Variants in TMEM132C observed in about 807,000 individuals in gnomAD.
The protein encoded by TMEM132C is protein phosphatase 1, regulatory subunit 152.
TMEM132C carries 29 observed loss-of-function variants against 61.4 expected under a neutral mutation model. The ratio of observed to expected loss-of-function variants is 0.47; its 90% CI spans 0.35 to 0.64. The LOEUF (loss-of-function observed/expected upper bound fraction) is 0.64, where lower values mean the gene tolerates loss of function less well. Ranked by LOEUF, TMEM132C falls within the 30% of genes least tolerant of loss-of-function variation. TMEM132C has a pLI of 0.00. For missense variants in TMEM132C, 1,408 were observed against 1,476.9 expected (o/e 0.95, Z 0.76); for synonymous variants, 656 against 633.1 (o/e 1.04, Z -0.54).
intron 2 of TMEM132C, among the ~76,000 whole-genome samples, chr12:128,425,926 C>G (rs1213619817): frequency 6.6e-6 from 1 of 152,226 alleles, no homozygotes; most frequent in Admixed American, 6.5e-5. Flanking sequence ...GGACCTGTTT[C>G]CAAATCAGGT....
intron 2 of TMEM132C, among the ~76,000 whole-genome samples, chr12:128,445,569 G>C (rs568485874): frequency 6.6e-6 from 1 of 152,278 alleles, no homozygotes; most frequent in South Asian, 2.1e-4. Flanking sequence ...TGTCCACGGT[G>C]GGAGACAAGC....
rs185694969 is a variant in TMEM132C at position 128,513,476 on chromosome 12, G to A, written c.975-30481G>A. ...GAGAAAGGAATAATCCACAGTGGACGCTTTCTGCAGGGACACTTCTTGCCT... is the reference window on the plus strand; with the variant it reads ...GAGAAAGGAATAATCCACAGTGGACACTTTCTGCAGGGACACTTCTTGCCT... On this transcript the variant is annotated intron_variant, in intron 2 of 8. Coordinates refer to ENST00000435159, the MANE Select transcript of TMEM132C (RefSeq NM_001136103.3). Among the ~76,000 whole-genome samples the A allele has an allele frequency of 2.6e-5, 4 of 152,288 alleles. No homozygotes were observed. In the East Asian group the frequency reaches 5.8e-4, roughly 22 times the overall value.
At position 128,327,361 on chromosome 12, in the gene TMEM132C, G is replaced by GGTTTGTTT. The variant is rs72370132; in HGVS notation, c.85+59903_85+59910dup. On this transcript the variant is annotated intron_variant, in intron 1 of 8. Coordinates refer to ENST00000435159, the MANE Select transcript of TMEM132C (RefSeq NM_001136103.3). ...GCCCCAGGTGCCCGGGGCGCAGCTTGGTTTGTTTGTTTGTTTGTTTGTTTG... is the reference window on the plus strand; with the variant it reads ...GCCCCAGGTGCCCGGGGCGCAGCTTGGTTTGTTTGTTTGTTTGTTTGTTTGTTTGTTTG... Among the ~76,000 whole-genome samples, 119 of 146,976 alleles carry GGTTTGTTT rather than the reference G, an allele frequency of 8.1e-4. 2 individuals are homozygous for GGTTTGTTT. Among genetic ancestry groups the GGTTTGTTT allele is most frequent in the Admixed American group, 4.2e-3 (63 of 15,080 alleles).
At chr12:128,667,181 C>T (rs1465198514) in intron 4 of TMEM132C, among the ~76,000 whole-genome samples, 1 of 152,042 alleles carries the variant, frequency 6.6e-6, no homozygotes, top group Non-Finnish European at 1.5e-5. Flanking sequence ...AATTTAGGGA[C>T]AGGGAGTGTT....
intron 4 of TMEM132C, among the ~76,000 whole-genome samples, chr12:128,668,590 C>T (rs747706311): frequency 3.9e-5 from 6 of 152,148 alleles, no homozygotes; most frequent in African/African-American, 7.2e-5. Flanking sequence ...GGATCTAGCC[C>T]GTAAGGATCT....
chr12:128,386,801 A>C (rs1361021661), intron 1 of TMEM132C, among the ~76,000 whole-genome samples: 6 of 152,300 alleles, frequency 3.9e-5, no homozygotes, highest in African/African-American at 1.2e-4. Context: ...GTAGATGCTC[A>C]GTATTTGTTG....
At chr12:128,535,960 AACC>A (rs1873511236) in intron 2 of TMEM132C, among the ~76,000 whole-genome samples, 1 of 152,214 alleles carries the variant, frequency 6.6e-6, no homozygotes, top group South Asian at 2.1e-4. Context: ...AAATTAGTTC[AACC>A]ATTGTGGAAG....
chr12:128,462,093 A>ATGTG (rs1870550717), intron 2 of TMEM132C, among the ~76,000 whole-genome samples: 1 of 151,422 alleles, frequency 6.6e-6, no homozygotes, highest in South Asian at 2.1e-4. Context: ...CTGTTATTTT[A>ATGTG]TTTGTTTGTT....
intron 2 of TMEM132C, among the ~76,000 whole-genome samples, chr12:128,517,241 TA>T (rs767758770): frequency 5.6e-5 from 7 of 125,754 alleles, no homozygotes; most frequent in African/African-American, 8.4e-5. Flanking sequence ...AACAAATAAA[TA>T]AATAAATAAA....
At chr12:128,605,071 A>G (rs372560949) in intron 3 of TMEM132C, among the ~76,000 whole-genome samples, 2 of 152,144 alleles carry the variant, frequency 1.3e-5, no homozygotes, top group African/African-American at 4.8e-5. Context: ...CATAGATGAC[A>G]GATTATGGAT....
chr12:128,540,046 C>G (rs1371181400), intron 2 of TMEM132C, among the ~76,000 whole-genome samples: 1 of 152,112 alleles, frequency 6.6e-6, no homozygotes, highest in East Asian at 1.9e-4. Context: ...CTCCTATCTT[C>G]CACTTCGTCT....
At chr12:128,287,487 AT>A (rs1372354552) in intron 1 of TMEM132C, among the ~76,000 whole-genome samples, 1 of 35,726 alleles carries the variant, frequency 2.8e-5, no homozygotes, top group African/African-American at 8.3e-5. Context: ...CTGTCTGCAT[AT>A]CTATATCTAT....
At chr12:128,399,157 A>T (rs1444823098) in intron 1 of TMEM132C, among the ~76,000 whole-genome samples, 2 of 152,190 alleles carry the variant, frequency 1.3e-5, no homozygotes, top group Admixed American at 6.5e-5. Flanking sequence ...GATGAAACTC[A>T]CATGTGGGGG....
intron 1 of TMEM132C, among the ~76,000 whole-genome samples, chr12:128,333,208 G>A (rs1267875196): frequency 6.6e-6 from 1 of 151,432 alleles, no homozygotes; most frequent in Non-Finnish European, 1.5e-5. Context: ...GTGTGTATGT[G>A]TGAGAGTGTG....
At chr12:128,381,534 A>G (rs1874396403) in intron 1 of TMEM132C, among the ~76,000 whole-genome samples, 1 of 152,164 alleles carries the variant, frequency 6.6e-6, no homozygotes, top group Non-Finnish European at 1.5e-5. Flanking sequence ...AGGGCTTAAT[A>G]ATAATATAAC....
chr12:128,437,670 C>T (rs373300972), intron 2 of TMEM132C: 2 of 152,320 alleles, frequency 1.3e-5, no homozygotes, highest in African/African-American at 4.8e-5. Context: ...ATATTTATAC[C>T]ATCTCTAGCA....
At chr12:128,659,849 C>T (rs1954367611) in intron 4 of TMEM132C, among the ~76,000 whole-genome samples, 1 of 152,196 alleles carries the variant, frequency 6.6e-6, no homozygotes, top group African/African-American at 2.4e-5. Flanking sequence ...GCCCTCAGGG[C>T]CACTCGTCCA....
chr12:128,589,095 T>A (rs966473666), intron 3 of TMEM132C, among the ~76,000 whole-genome samples: 7 of 152,048 alleles, frequency 4.6e-5, no homozygotes, highest in African/African-American at 1.7e-4. Context: ...TGTGTCAGGC[T>A]CCAGGGTGAG....
chr12:128,631,537 T>TA (rs1954065096), intron 4 of TMEM132C, among the ~76,000 whole-genome samples: 1 of 152,230 alleles, frequency 6.6e-6, no homozygotes, highest in Admixed American at 6.5e-5. Flanking sequence ...TGTTAAACTC[T>TA]AAAAATTAAA....
Sources: gnomAD v4.1 joint callset for allele counts (sites outside exome capture counted in the v4.1 genomes callset) on GRCh38, gnomAD v4.1.1 for gene constraint, MANE v1.5 for transcripts, NCBI Gene and HGNC (gene_info 2026-07-23, HGNC 2026-07-21) for gene names.